The following PRKN variants were observed in gnomAD, a reference collection of about 807,000 sequenced individuals.
PRKN encodes E3 ubiquitin-protein ligase parkin.
PRKN carries 56 observed loss-of-function variants against 59.5 expected under a neutral mutation model. The ratio of observed to expected loss-of-function variants is 0.94; its 90% CI spans 0.76 to 1.18. The LOEUF is 1.18. PRKN is among the 50% of genes most tolerant of loss of function. The pLI, the probability that PRKN is intolerant of heterozygous loss-of-function variation, is 0.00. For missense variants in PRKN, 657 were observed against 596.4 expected, an observed-to-expected ratio of 1.10 and a Z score of -1.06; for synonymous variants, 250 against 222.1, an observed-to-expected ratio of 1.13 and a Z score of -1.12.
At chr6:162,705,815 T>C (rs970193685) in intron 1 of PRKN, among the ~76,000 whole-genome samples, 6 of 152,160 alleles carry the variant, frequency 3.9e-5, no homozygotes, top group African/African-American at 1.2e-4. Context: ...TTCCTGCTGT[T>C]TCCTATAAGT....
intron 7 of PRKN, among the ~76,000 whole-genome samples, chr6:161,745,782 C>G (rs368534603): frequency 6.6e-6 from 1 of 152,152 alleles, no homozygotes; most frequent in African/African-American, 2.4e-5. Flanking sequence ...TCTAACAGCC[C>G]GACTGGAAGA....
chr6:161,658,688 T>C (rs1035778737), intron 7 of PRKN, among the ~76,000 whole-genome samples: 1 of 152,174 alleles, frequency 6.6e-6, no homozygotes, highest in Non-Finnish European at 1.5e-5. Flanking sequence ...TTTACAAATA[T>C]TTCATCCTTA....
intron 5 of PRKN, among the ~76,000 whole-genome samples, chr6:161,975,416 A>G (rs922473464): frequency 1.3e-5 from 2 of 152,178 alleles, no homozygotes; most frequent in African/African-American, 4.8e-5. Context: ...AAAACAATAG[A>G]TTAATCAACG....
chr6:162,380,171 G>T (rs1187591475), intron 2 of PRKN, among the ~76,000 whole-genome samples: 1 of 151,894 alleles, frequency 6.6e-6, no homozygotes, highest in Non-Finnish European at 1.5e-5. Context: ...TTGGCACTTT[G>T]GGTAGTAAAT....
intron 2 of PRKN, among the ~76,000 whole-genome samples, chr6:162,387,583 G>C (rs927198580): frequency 9.1e-4 from 132 of 145,030 alleles, no homozygotes; most frequent in African/African-American, 3.0e-3. Flanking sequence ...GAGAGAGAGA[G>C]AGAGAGAGAG....
chr6:161,567,758 C>T (rs953866166), intron 8 of PRKN, among the ~76,000 whole-genome samples: 2 of 152,142 alleles, frequency 1.3e-5, no homozygotes, highest in Non-Finnish European at 2.9e-5. Flanking sequence ...TGGCTTCTTT[C>T]CTTACTAATT....
intron 7 of PRKN, among the ~76,000 whole-genome samples, chr6:161,634,083 A>T: frequency 6.6e-6 from 1 of 151,524 alleles, no homozygotes; most frequent in South Asian, 2.1e-4. Flanking sequence ...GACTCCTAAG[A>T]CTGTAAGTGA....
At chr6:162,495,813 C>T (rs965167603) in intron 1 of PRKN, among the ~76,000 whole-genome samples, 1 of 152,182 alleles carries the variant, frequency 6.6e-6, no homozygotes, top group Non-Finnish European at 1.5e-5. Flanking sequence ...GCCTCCTCAC[C>T]AGGTTCTCAC....
At chr6:162,233,254 G>A (rs1436913422) in intron 3 of PRKN, among the ~76,000 whole-genome samples, 1 of 152,112 alleles carries the variant, frequency 6.6e-6, no homozygotes, top group African/African-American at 2.4e-5. Flanking sequence ...TTATTTGGAT[G>A]TGAATCCTAG....
chr6:162,714,987 T>C (rs1778669072), intron 1 of PRKN, among the ~76,000 whole-genome samples: 2 of 152,220 alleles, frequency 1.3e-5, no homozygotes, highest in Admixed American at 6.5e-5. Flanking sequence ...GAAAAAGTCA[T>C]CGTCCTTGTG....
intron 1 of PRKN, among the ~76,000 whole-genome samples, chr6:162,679,220 C>T (rs977647635): frequency 1.3e-5 from 2 of 151,966 alleles, no homozygotes; most frequent in Admixed American, 6.6e-5. Context: ...CTGCCTCAGC[C>T]TCCCGAGCAG....
At chr6:161,437,974 A>G (rs13213701) in intron 9 of PRKN, among the ~76,000 whole-genome samples, 1 of 152,106 alleles carries the variant, frequency 6.6e-6, no homozygotes, top group Non-Finnish European at 1.5e-5. Context: ...TGTAATTGAC[A>G]CAGTAATTAT....
chr6:161,348,788 A>T lies in PRKN; in HGVS notation c.*1311T>A, dbSNP rs1460109365. ...AGAAGTCAGACAATACAGGTAGAAC[A>T]AAAGATAGTGGTTGTACTTTCTCTT... On this transcript the variant is annotated 3_prime_UTR_variant, in exon 12 of 12. Transcript: ENST00000366898. The surrounding 1 kb of genome is among the most constrained non-coding windows in gnomAD (Gnocchi z 4.9). 4.8e-6 allele frequency: 1 copy of T among 210,396 alleles called. No individual in the cohort carries two copies. Among genetic ancestry groups the T allele is most frequent in the Non-Finnish European group, 9.7e-6 (1 of 103,612 alleles). The allele number at this position is 210,396 out of a possible 1,614,324, so 13.0% of individuals were successfully genotyped here.
intron 2 of PRKN, among the ~76,000 whole-genome samples, chr6:162,411,792 C>T (rs1044191597): frequency 6.6e-6 from 1 of 152,152 alleles, no homozygotes; most frequent in African/African-American, 2.4e-5. Context: ...CAAGGGCCAC[C>T]GTCTTTTTCC....
intron 2 of PRKN, among the ~76,000 whole-genome samples, chr6:162,277,150 C>A (rs1473774346): frequency 1.3e-5 from 2 of 152,080 alleles, no homozygotes; most frequent in Non-Finnish European, 2.9e-5. Flanking sequence ...CAAGGATCAC[C>A]AGTAGAAGCT....
At chr6:162,370,672 A>G (rs980140194) in intron 2 of PRKN, among the ~76,000 whole-genome samples, 8 of 152,218 alleles carry the variant, frequency 5.3e-5, no homozygotes, top group African/African-American at 1.7e-4. Context: ...TATTCCATGC[A>G]ATATTTCTCT....
intron 5 of PRKN, among the ~76,000 whole-genome samples, chr6:161,979,165 T>G (rs1341832680): frequency 6.6e-6 from 1 of 151,830 alleles, no homozygotes; most frequent in Non-Finnish European, 1.5e-5. Context: ...TTTTTGTTTT[T>G]GTTTTTCCAA....
chr6:162,611,091 C>A (rs970862636), intron 1 of PRKN, among the ~76,000 whole-genome samples: 16 of 151,988 alleles, frequency 1.1e-4, no homozygotes, highest in African/African-American at 3.6e-4. Flanking sequence ...TGTGTTGAAT[C>A]CTTTTGTAAT....
At chr6:161,512,742 A>T (rs1275839729) in intron 9 of PRKN, among the ~76,000 whole-genome samples, 3 of 152,176 alleles carry the variant, frequency 2.0e-5, no homozygotes, top group Non-Finnish European at 4.4e-5. Flanking sequence ...GCAAACGCGG[A>T]GAGGCAAGTG....
Sources: gnomAD v4.1 joint callset for allele counts (sites outside exome capture counted in the v4.1 genomes callset) on GRCh38, gnomAD v4.1.1 for gene constraint, Gnocchi (gnomAD v3.1) non-coding constraint, MANE v1.5 for transcripts, NCBI Gene and HGNC (gene_info 2026-07-23, HGNC 2026-07-21) for gene names.